Variants in ESR1 observed in about 807,000 individuals in gnomAD.
The protein encoded by ESR1 is estrogen receptor.
In ESR1, 12 loss-of-function variants were observed where a neutral mutation model predicts 52.7. The ratio of observed to expected loss-of-function variants is 0.23; its 90% CI spans 0.15 to 0.37. The LOEUF (loss-of-function observed/expected upper bound fraction) is 0.37, where lower values mean the gene tolerates loss of function less well. Among genes scored for constraint, ESR1 ranks in the 10% least tolerant of loss-of-function variants. The pLI, the probability that ESR1 is intolerant of heterozygous loss-of-function variation, is 1.00. For synonymous variants in ESR1, 305 were observed against 316.8 expected, an observed-to-expected ratio of 0.96 and a Z score of 0.39; for missense variants, 584 against 779.7, an observed-to-expected ratio of 0.75 and a Z score of 2.99.
intron 2 of ESR1, among the ~76,000 whole-genome samples, chr6:151,729,194 G>T (rs1017199626): frequency 6.6e-6 from 1 of 152,162 alleles, no homozygotes; most frequent in Non-Finnish European, 1.5e-5. Flanking sequence ...AAGAGGCCTA[G>T]GAGAGCTAGC....
At chr6:152,047,280 C>T (rs984183518) in intron 5 of ESR1, among the ~76,000 whole-genome samples, 7 of 151,924 alleles carry the variant, frequency 4.6e-5, no homozygotes, top group Admixed American at 2.0e-4. Context: ...TGCTTAGGAC[C>T]TAGTAAGAAC....
intron 2 of ESR1, among the ~76,000 whole-genome samples, chr6:151,776,304 C>A (rs571667776): frequency 2.0e-5 from 3 of 152,232 alleles, no homozygotes; most frequent in Admixed American, 2.0e-4. Flanking sequence ...GAATTCAGTT[C>A]AGAATAGGAG....
chr6:151,808,081 G>C lies in ESR1; in HGVS notation c.169G>C (p.Gly57Arg), dbSNP rs751766966. Residue 57 changes from glycine to arginine, a missense_variant, in exon 1 of 8, where the codon GGC becomes CGC. By Grantham distance (125) the Gly-to-Arg change is moderately radical. Coordinates refer to ENST00000206249, the MANE Select transcript of ESR1 (RefSeq NM_000125.4). ...GCCCGCCGTGTACAACTACCCCGAG[G>C]GCGCCGCCTACGAGTTCAACGCCGC... ...SKPAVYNYPEGAAYEFNAAAA... is the reference protein window; with the variant it reads ...SKPAVYNYPERAAYEFNAAAA... 3 of 1,613,050 alleles carry C rather than the reference G, an allele frequency of 1.9e-6. No individual in the cohort carries two copies. The highest frequency in any genetic ancestry group is 2.5e-6 in the Non-Finnish European group (3 of 1,179,832).
intron 1 of ESR1, among the ~76,000 whole-genome samples, chr6:151,672,687 G>T (rs1421712465): frequency 6.6e-6 from 1 of 151,794 alleles, no homozygotes; most frequent in African/African-American, 2.4e-5. Context: ...TGGCCATCCT[G>T]GTCTTGAACT....
intron 3 of ESR1, among the ~76,000 whole-genome samples, chr6:151,896,238 GAAT>G (rs1440920294): frequency 6.6e-6 from 1 of 152,162 alleles, no homozygotes; most frequent in East Asian, 1.9e-4. Context: ...TCATCTTGTG[GAAT>G]AGTGTCAATA....
intron 4 of ESR1, among the ~76,000 whole-genome samples, chr6:151,992,732 G>C (rs1462832031): frequency 3.9e-5 from 6 of 152,068 alleles, no homozygotes; most frequent in Non-Finnish European, 5.9e-5. Flanking sequence ...GGACCAGTGG[G>C]CACCCTTATC....
chr6:151,958,682 A>G (rs985319983), intron 4 of ESR1, among the ~76,000 whole-genome samples: 1 of 152,204 alleles, frequency 6.6e-6, no homozygotes, highest in African/African-American at 2.4e-5. Context: ...TTATAGATCA[A>G]AATGCACACA....
chr6:152,031,630 A>G (rs1294781637), intron 5 of ESR1, among the ~76,000 whole-genome samples: 1 of 152,226 alleles, frequency 6.6e-6, no homozygotes. Context: ...TAGGCTCTGA[A>G]GTTGAGGCAA....
chr6:151,717,013 T>C (rs1046285549), intron 2 of ESR1, among the ~76,000 whole-genome samples: 4 of 152,194 alleles, frequency 2.6e-5, no homozygotes, highest in African/African-American at 4.8e-5. Context: ...TCTCCTGGTC[T>C]GTGTGTTTCA....
intron 2 of ESR1, among the ~76,000 whole-genome samples, chr6:151,760,359 G>T (rs1258705642): frequency 6.6e-6 from 1 of 152,092 alleles, no homozygotes; most frequent in African/African-American, 2.4e-5. Context: ...TTGAAGAAAG[G>T]GTCTATATTG....
intron 4 of ESR1, among the ~76,000 whole-genome samples, chr6:151,945,503 ACTC>A (rs1386668873): frequency 6.6e-6 from 1 of 152,130 alleles, no homozygotes; most frequent in African/African-American, 2.4e-5. Flanking sequence ...AGGGAGAAGA[ACTC>A]AAGTTTGTAT....
intron 4 of ESR1, among the ~76,000 whole-genome samples, chr6:151,972,598 A>G (rs1404738666): frequency 1.3e-5 from 2 of 152,236 alleles, no homozygotes; most frequent in Non-Finnish European, 2.9e-5. Flanking sequence ...GACAAAACCT[A>G]GCATCCAATT....
intron 1 of ESR1, among the ~76,000 whole-genome samples, chr6:151,824,538 G>A (rs1434836173): frequency 6.6e-6 from 1 of 152,176 alleles, no homozygotes; most frequent in Non-Finnish European, 1.5e-5. Context: ...TGGACATGAA[G>A]TCCTTGCCCA....
At chr6:151,874,971 C>T (rs922906203) in intron 2 of ESR1, among the ~76,000 whole-genome samples, 20 of 152,078 alleles carry the variant, frequency 1.3e-4, no homozygotes, top group East Asian at 3.8e-4. Context: ...CCATAACCAA[C>T]GTATTATAGC....
intron 6 of ESR1, among the ~76,000 whole-genome samples, chr6:152,067,338 G>A (rs542573079): frequency 7.9e-4 from 120 of 152,250 alleles, no homozygotes; most frequent in African/African-American, 2.7e-3. Flanking sequence ...AGCAGGTGTC[G>A]AAAGACGGGA....
rs1448654245 is a variant in ESR1 at position 152,044,531 on chromosome 6, T to C, written c.1236-16460T>C. Among the ~76,000 whole-genome samples the C allele has an allele frequency of 2.0e-5, 3 of 152,188 alleles. No homozygotes were observed. In the East Asian group the frequency reaches 5.8e-4, roughly 29 times the overall value. On this transcript the variant is annotated intron_variant, in intron 5 of 7. Transcript: ENST00000206249. ...GCAAGCTGAGGAGCAAGGAAGCCAG[T>C]CCAAGTCCCAAAACCTCAAAACTAG...
chr6:151,758,388 A>G (rs899931624), intron 2 of ESR1, among the ~76,000 whole-genome samples: 1 of 152,186 alleles, frequency 6.6e-6, no homozygotes, highest in Non-Finnish European at 1.5e-5. Context: ...CATGATAATG[A>G]TGCATTTAGG....
chr6:151,808,477 C>T, intron 1 of ESR1, 113 bp downstream of exon 1: 1 of 981,498 alleles, frequency 1.0e-6, no homozygotes, highest in Non-Finnish European at 1.4e-6. Flanking sequence ...GGACGCGCGA[C>T]CCGAGGGTGC....
At chr6:151,736,786 G>C (rs117204980) in intron 2 of ESR1, among the ~76,000 whole-genome samples, 2 of 152,104 alleles carry the variant, frequency 1.3e-5, no homozygotes, top group South Asian at 4.1e-4. Context: ...AAGCGGTACA[G>C]TGACTGGGGC....
Sources: gnomAD v4.1 joint callset for allele counts (sites outside exome capture counted in the v4.1 genomes callset) on GRCh38, gnomAD v4.1.1 for gene constraint, MANE v1.5 for transcripts, NCBI Gene and HGNC (gene_info 2026-07-23, HGNC 2026-07-21) for gene names.